PDLIM1: variants seen among roughly 807,000 people sequenced by gnomAD.
PDLIM1 encodes PDZ and LIM domain protein 1.
Under a neutral mutation model 35.2 loss-of-function variants are expected in PDLIM1, and 25 were observed. That is an observed-to-expected ratio of 0.71 (90% CI 0.52 to 0.99). PDLIM1 has a LOEUF of 0.99. PDLIM1 is among the 50% of genes least tolerant of loss of function. The pLI, the probability that PDLIM1 is intolerant of heterozygous loss-of-function variation, is 0.00. For missense variants in PDLIM1, 363 were observed against 415.3 expected, an observed-to-expected ratio of 0.87 and a Z score of 1.09; for synonymous variants, 152 against 154.0, an observed-to-expected ratio of 0.99 and a Z score of 0.10.
At chr10:95,259,740 T>C (rs11596920) in intron 4 of PDLIM1, among the ~76,000 whole-genome samples, 88,068 of 152,066 alleles carry the variant, frequency 0.58, 27,667 homozygotes, top group Non-Finnish European at 0.7. Context: ...GTGATAATAT[T>C]TGAATAGAAA....
chr10:95,237,788 G>C lies in PDLIM1; in HGVS notation c.*137C>G. 1 of 671,394 alleles carries C rather than the reference G, an allele frequency of 1.5e-6. No individual in the cohort carries two copies. Among genetic ancestry groups the C allele is most frequent in the East Asian group, 2.7e-5 (1 of 36,556 alleles). 41.6% of individuals were successfully genotyped at this position (671,394 alleles called of 1,614,324 possible). ...TGGTGTGAGTCAATTAACCAAGGCA[G>C]GGAGGGGACTCAATGTTTTACAAGC... is the stretch of plus-strand genomic sequence containing the variant. On this transcript the variant is annotated 3_prime_UTR_variant, in exon 7 of 7. Transcript: ENST00000329399.
chr10:95,237,832 A>G lies in PDLIM1; in HGVS notation c.*93T>C, dbSNP rs1049961. Reference sequence around the variant, plus strand: ...TACAAGCAGAGGGAAAACCAAAGTAAGCAGAGAACTTTCAAGAGAGGAGAG... The same window carrying G: ...TACAAGCAGAGGGAAAACCAAAGTAGGCAGAGAACTTTCAAGAGAGGAGAG... On this transcript the variant is annotated 3_prime_UTR_variant, in exon 7 of 7. Transcript: ENST00000329399. The G allele has an allele frequency of 0.37, 403,247 of 1,097,548 alleles. 77,473 individuals are homozygous for G. The highest frequency in any genetic ancestry group is 0.48 in the Middle Eastern group (2,159 of 4,470). The allele number at this position is 1,097,548 out of a possible 1,614,324, so 68.0% of individuals were successfully genotyped here.
At chr10:95,239,458 A>C (rs923029911) in intron 5 of PDLIM1, among the ~76,000 whole-genome samples, 1 of 152,230 alleles carries the variant, frequency 6.6e-6, no homozygotes, top group Admixed American at 6.5e-5. Context: ...CATCTGACAA[A>C]GGTCTAATAT....
intron 1 of PDLIM1, among the ~76,000 whole-genome samples, chr10:95,278,095 T>C (rs2035528647): frequency 6.6e-6 from 1 of 152,222 alleles, no homozygotes; most frequent in African/African-American, 2.4e-5. Flanking sequence ...TCTCTCTCTG[T>C]TCATTCACTT....
At chr10:95,269,813 G>A (rs1414703966) in intron 2 of PDLIM1, among the ~76,000 whole-genome samples, 1 of 152,052 alleles carries the variant, frequency 6.6e-6, no homozygotes, top group Admixed American at 6.6e-5. Context: ...TTGGCTCACT[G>A]CAACCTCCGC....
At chr10:95,275,941 G>C (rs888901090) in intron 1 of PDLIM1, among the ~76,000 whole-genome samples, 4 of 151,996 alleles carry the variant, frequency 2.6e-5, no homozygotes, top group Non-Finnish European at 4.4e-5. Flanking sequence ...ATCTCAGAAA[G>C]TCACAAGCAA....
intron 4 of PDLIM1, among the ~76,000 whole-genome samples, chr10:95,252,741 A>G (rs992700026): frequency 2.6e-5 from 4 of 152,232 alleles, no homozygotes; most frequent in African/African-American, 9.7e-5. Context: ...TAACTGAAAT[A>G]AAACCACAGT....
intron 2 of PDLIM1, among the ~76,000 whole-genome samples, chr10:95,270,878 G>A: frequency 6.6e-6 from 1 of 151,752 alleles, no homozygotes; most frequent in Non-Finnish European, 1.5e-5. Context: ...GGCCTCCCGA[G>A]TAGCTGGAAC....
At chr10:95,268,333 G>A (rs1291019840) in intron 3 of PDLIM1, among the ~76,000 whole-genome samples, 1 of 152,174 alleles carries the variant, frequency 6.6e-6, no homozygotes, top group Non-Finnish European at 1.5e-5. Context: ...AAACCAGACA[G>A]GGGCATACAG....
intron 5 of PDLIM1, among the ~76,000 whole-genome samples, chr10:95,246,265 G>C (rs577020315): frequency 2.6e-5 from 4 of 152,204 alleles, no homozygotes; most frequent in Non-Finnish European, 4.4e-5. Flanking sequence ...GAGGGCTGCT[G>C]ATCATCTTTG....
At position 95,238,625 on chromosome 10, in the gene PDLIM1, GC is replaced by G; in HGVS notation, c.745del (p.Ala249ArgfsTer24). The G allele has an allele frequency of 1.2e-6, 2 of 1,613,986 alleles. No individual in the cohort carries two copies. Among genetic ancestry groups the G allele is most frequent in the Non-Finnish European group, 1.7e-6 (2 of 1,179,878 alleles). ...SVKAPVTKVA[A>X]SIGNAQKLPM... ...CAACTTCTGAGCATTTCCAATCGACGCAGCCACTTTAGTGACAGGAGCTTTA... is the reference window on the plus strand; with the variant it reads ...CAACTTCTGAGCATTTCCAATCGACGAGCCACTTTAGTGACAGGAGCTTTA... On this transcript the variant is annotated frameshift_variant, in exon 6 of 7. Coordinates refer to ENST00000329399, the MANE Select transcript of PDLIM1 (RefSeq NM_020992.4). LOFTEE classifies it high-confidence loss of function.
At chr10:95,272,571 G>A (rs1047331831) in intron 1 of PDLIM1, among the ~76,000 whole-genome samples, 36 of 152,158 alleles carry the variant, frequency 2.4e-4, no homozygotes, top group African/African-American at 8.2e-4. Context: ...GGCTGAGGCA[G>A]GAGGATCACT....
chr10:95,257,408 T>C lies in PDLIM1; in HGVS notation c.533+6456A>G, dbSNP rs1333741900. ...CAACTTATGAAATAGAAAAAATATTTGCAAAACATACGTATAATTAATATC... is the reference window on the plus strand; with the variant it reads ...CAACTTATGAAATAGAAAAAATATTCGCAAAACATACGTATAATTAATATC... On this transcript the variant is annotated intron_variant, in intron 4 of 6. Transcript: ENST00000329399. Among the ~76,000 whole-genome samples the C allele has an allele frequency of 4.0e-5, 6 of 151,768 alleles. No individual in the cohort carries two copies. In the East Asian group the frequency reaches 1.2e-3, roughly 29 times the overall value.
intron 1 of PDLIM1, among the ~76,000 whole-genome samples, chr10:95,283,621 G>C (rs1022902595): frequency 6.6e-6 from 1 of 152,234 alleles, no homozygotes; most frequent in African/African-American, 2.4e-5. Flanking sequence ...CCTCTGTAAA[G>C]TAAGACTGGG....
chr10:95,251,715 T>C (rs2035269556), intron 4 of PDLIM1, among the ~76,000 whole-genome samples: 1 of 152,210 alleles, frequency 6.6e-6, no homozygotes, highest in African/African-American at 2.4e-5. Flanking sequence ...AAAAATATTT[T>C]TCCTGTCTGA....
chr10:95,282,532 G>T (rs897593177), intron 1 of PDLIM1, among the ~76,000 whole-genome samples: 2 of 152,124 alleles, frequency 1.3e-5, no homozygotes, highest in Non-Finnish European at 2.9e-5. Context: ...AGTGCTAAGG[G>T]GTGACAGTTC....
At chr10:95,254,654 C>G (rs1210952831) in intron 4 of PDLIM1, among the ~76,000 whole-genome samples, 2 of 152,058 alleles carry the variant, frequency 1.3e-5, no homozygotes, top group Non-Finnish European at 2.9e-5. Context: ...CGGTGGCTCA[C>G]GACTATAATC....
intron 1 of PDLIM1, among the ~76,000 whole-genome samples, chr10:95,286,645 A>G (rs531240279): frequency 9.8e-5 from 15 of 152,308 alleles, no homozygotes; most frequent in African/African-American, 3.4e-4. Context: ...ATCCTTTAAA[A>G]GTTAGTTTTC....
intron 2 of PDLIM1, among the ~76,000 whole-genome samples, chr10:95,269,102 A>C (rs1756959325): frequency 6.6e-6 from 1 of 151,982 alleles, no homozygotes; most frequent in Admixed American, 6.5e-5. Context: ...ATCCTCCCTC[A>C]CCACACTCTG....
Sources: allele counts gnomAD v4.1 joint callset (sites outside exome capture counted in the v4.1 genomes callset), GRCh38; gene constraint gnomAD v4.1.1; transcripts MANE v1.5; gene names NCBI Gene and HGNC (gene_info 2026-07-23, HGNC 2026-07-21).